OR1D2: variants seen among roughly 807,000 people sequenced by gnomAD.
OR1D2 encodes the protein olfactory receptor family 1 subfamily D member 2, also known as olfactory receptor 1D2.
For synonymous variants in OR1D2, 157 were observed against 153.9 expected (o/e 1.02, Z -0.15); for missense variants, 357 against 376.1 (o/e 0.95, Z 0.42).
At chr17:3,103,156 G>A (rs571757858) in intron 1 of OR1D2, among the ~76,000 whole-genome samples, 1 of 152,358 alleles carries the variant, frequency 6.6e-6, no homozygotes, top group Admixed American at 6.5e-5. Context: ...GTAGAGGGCA[G>A]GTGACAAGAC....
chr17:3,094,222 G>A (rs552168581), intron 1 of OR1D2, among the ~76,000 whole-genome samples: 1 of 152,274 alleles, frequency 6.6e-6, no homozygotes, highest in South Asian at 2.1e-4. Context: ...ATGGCACATT[G>A]AGATAACTGT....
Position 3,094,649 on chromosome 17 carries a change from G to GA in OR1D2, c.-50-1604dup, listed in dbSNP as rs548641031. On this transcript the variant is annotated intron_variant, in intron 1 of 1. Transcript: ENST00000641833. ...AAACAAAGTATGATCCACATATGAG[G>GA]AAAAAATCAGGCAACAGAAACTACC... 1.0e-3 allele frequency among the ~76,000 whole-genome samples: 152 copies of GA among 152,144 alleles called. 1 individual carries two copies. Among genetic ancestry groups the GA allele is most frequent in the South Asian group, 7.5e-3 (36 of 4,810 alleles).
Position 3,092,445 on chromosome 17 carries a change from C to A in OR1D2, c.552G>T (p.Leu184Phe). Reference sequence around the variant, plus strand: ...GAATGTTGGAACATGCCATCCTCAGCAATACATACATCTCACAGAAGATGT... The same window carrying A: ...GAATGTTGGAACATGCCATCCTCAGAAATACATACATCTCACAGAAGATGT... The part of the protein sequence containing the change: ...IHYIFCEMYV[L>F]LRMACSNIQI... Residue 184 changes from leucine (L) to phenylalanine (F), a missense_variant, in exon 2 of 2, where the codon TTG (leucine) becomes TTT (phenylalanine). Transcript: ENST00000641833. The A allele has an allele frequency of 6.2e-7, 1 of 1,614,194 alleles. No homozygotes were observed. The highest frequency in any genetic ancestry group is 8.5e-7 in the Non-Finnish European group (1 of 1,180,040).
At chr17:3,095,706 ATTTTC>A (rs2047841259) in intron 1 of OR1D2, among the ~76,000 whole-genome samples, 1 of 151,900 alleles carries the variant, frequency 6.6e-6, no homozygotes, top group Non-Finnish European at 1.5e-5. Flanking sequence ...ATAAATTCAT[ATTTTC>A]TTGTTTTTTC....
intron 1 of OR1D2, 80 bp downstream of exon 1, chr17:3,104,019 G>C (rs2047885873): frequency 6.6e-6 from 1 of 152,338 alleles, no homozygotes; most frequent in Non-Finnish European, 1.5e-5. Flanking sequence ...TTGTGTGACA[G>C]AGAAAATGGA....
chr17:3,103,712 G>A (rs145427429), intron 1 of OR1D2, among the ~76,000 whole-genome samples: 12 of 152,232 alleles, frequency 7.9e-5, no homozygotes, highest in Non-Finnish European at 1.5e-4. Context: ...TGGGGTGTGA[G>A]GGGGGAGATT....
chr17:3,102,939 G>C (rs1247634373), intron 1 of OR1D2, among the ~76,000 whole-genome samples: 2 of 152,168 alleles, frequency 1.3e-5, no homozygotes, highest in Non-Finnish European at 2.9e-5. Context: ...TCTCAGACAG[G>C]AGCAGCTGGA....
intron 1 of OR1D2, among the ~76,000 whole-genome samples, chr17:3,097,573 C>T (rs1358706472): frequency 2.0e-5 from 3 of 152,214 alleles, no homozygotes; most frequent in African/African-American, 7.2e-5. Flanking sequence ...TGAACCCATG[C>T]CACTGGTGCC....
At chr17:3,094,978 G>C (rs2047836768) in intron 1 of OR1D2, among the ~76,000 whole-genome samples, 1 of 151,738 alleles carries the variant, frequency 6.6e-6, no homozygotes. Flanking sequence ...AATAGAGGAA[G>C]AGAAAAAATG....
chr17:3,092,352 G>T lies in OR1D2; in HGVS notation c.645C>A (p.Ile215=), dbSNP rs139929114. The part of the protein sequence containing the change: ...FIFLIPFGFV[I]ISYVLIIRAI... The stretch of plus-strand genomic sequence containing the variant: ...CTCTGATAATCAGCACATAGGAAAT[G>T]ATCACGAATCCAAAGGGAATGAGGA... The change falls in exon 2 of 2, where the codon ATC becomes ATA. Residue 215 remains isoleucine, a synonymous_variant. Coordinates refer to ENST00000641833, the MANE Select transcript of OR1D2 (RefSeq NM_002548.3). 3 of 1,614,182 alleles carry T rather than the reference G, an allele frequency of 1.9e-6. No homozygotes were observed. The highest frequency in any genetic ancestry group is 1.1e-5 in the South Asian group (1 of 91,060).
intron 1 of OR1D2, among the ~76,000 whole-genome samples, chr17:3,101,698 G>A (rs2047875596): frequency 6.6e-6 from 1 of 152,114 alleles, no homozygotes; most frequent in Non-Finnish European, 1.5e-5. Flanking sequence ...AGAAATTAAG[G>A]GGATTCAAAT....
Position 3,092,243 on chromosome 17 carries a change from A to G in OR1D2, c.754T>C (p.Tyr252His). Residue 252 changes from tyrosine to histidine, a missense_variant, in exon 2 of 2, where the codon TAT (tyrosine) becomes CAT (histidine). Tyr to His is a moderately conservative substitution (Grantham distance 83, BLOSUM62 2). Transcript: ENST00000641833. ...AGGTATACCATACAAAGTGTCCCATAGAAGAGGGAGACTGCACCCAAATGG... is the reference window on the plus strand; with the variant it reads ...AGGTATACCATACAAAGTGTCCCATGGAAGAGGGAGACTGCACCCAAATGG... ...ASHLGAVSLF[Y>H]GTLCMVYLKP... 6.2e-7 allele frequency: 1 copy of G among 1,614,220 alleles called. No individual in the cohort carries two copies. The highest frequency in any genetic ancestry group is 8.5e-7 in the Non-Finnish European group (1 of 1,180,026).
chr17:3,098,744 C>T (rs1356167603), intron 1 of OR1D2, among the ~76,000 whole-genome samples: 1 of 152,126 alleles, frequency 6.6e-6, no homozygotes, highest in African/African-American at 2.4e-5. Flanking sequence ...GCTAAAGGAG[C>T]ATGTTCTAAC....
chr17:3,104,030 G>GAAGAGAGAAGAT (rs570594304), intron 1 of OR1D2, 69 bp downstream of exon 1: 14 of 152,498 alleles, frequency 9.2e-5, no homozygotes, highest in Admixed American at 7.2e-4. Flanking sequence ...AGAAAATGGA[G>GAAGAGAGAAGAT]AAGAGAGAAG....
intron 1 of OR1D2, among the ~76,000 whole-genome samples, chr17:3,101,235 G>A (rs2151708722): frequency 6.6e-6 from 1 of 152,076 alleles, no homozygotes; most frequent in South Asian, 2.1e-4. Flanking sequence ...AAGTCTTCAG[G>A]CCAATATCCC....
chr17:3,095,123 G>A (rs892657882), intron 1 of OR1D2, among the ~76,000 whole-genome samples: 2 of 151,950 alleles, frequency 1.3e-5, no homozygotes, highest in Non-Finnish European at 2.9e-5. Flanking sequence ...TGAAAACGTA[G>A]TAAATTTGTT....
chr17:3,092,855 C>G lies in OR1D2; in HGVS notation c.142G>C (p.Ala48Pro). Residue 48 changes from alanine to proline, a missense_variant, in exon 2 of 2, where the codon GCC (alanine) becomes CCC (proline). Transcript: ENST00000641833. ...TGCAGGCGGGAATCAGAGCTGATGG[C>G]CAGGATGATGAGCACATTTCCCACC... ...TVVGNVLIIL[A>P]ISSDSRLHTP... 1 of 1,613,942 alleles carries G rather than the reference C, an allele frequency of 6.2e-7. No individual in the cohort carries two copies. Among genetic ancestry groups the G allele is most frequent in the Non-Finnish European group, 8.5e-7 (1 of 1,179,974 alleles).
Position 3,090,818 on chromosome 17 carries a change from T to C in OR1D2, c.*1240A>G, listed in dbSNP as rs910664100. On this transcript the variant is annotated 3_prime_UTR_variant, in exon 2 of 2. Transcript: ENST00000641833. ...CTATTAAGAGCTCCCAACCATTTTCTTATTTTTTTTTTTTCTTGTTCTTAG... is the reference window on the plus strand; with the variant it reads ...CTATTAAGAGCTCCCAACCATTTTCCTATTTTTTTTTTTTCTTGTTCTTAG... 16 of 144,112 alleles carry C rather than the reference T, an allele frequency of 1.1e-4. No individual in the cohort carries two copies. The highest frequency in any genetic ancestry group is 4.1e-4 in the African/African-American group (15 of 36,498). 8.9% of individuals were successfully genotyped at this position (144,112 alleles called of 1,614,324 possible).
Position 3,092,757 on chromosome 17 carries a change from C to T in OR1D2, c.240G>A (p.Lys80=). The change falls in exon 2 of 2, where the codon AAG becomes AAA. Residue 80 remains lysine (K), a synonymous_variant. Transcript: ENST00000641833. ...TATGGGACTGGAGGTTCACCAGCAT[C>T]TTGGGGATTGTGTTGGTGACAAAGA... ...DLFFVTNTIP[K]MLVNLQSHNK... 1.2e-6 allele frequency: 2 copies of T among 1,614,074 alleles called. No individual in the cohort carries two copies. The highest frequency in any genetic ancestry group is 1.7e-6 in the Non-Finnish European group (2 of 1,180,030).
Sources: allele counts gnomAD v4.1 joint callset (sites outside exome capture counted in the v4.1 genomes callset), GRCh38; gene constraint gnomAD v4.1.1; transcripts MANE v1.5; gene names NCBI Gene and HGNC (gene_info 2026-07-23, HGNC 2026-07-21).